WDR91: variants seen among roughly 807,000 people sequenced by gnomAD.
The protein encoded by WDR91 is WD repeat domain 91, also known as WD repeat-containing protein 91.
WDR91 carries 52 observed loss-of-function variants against 88.4 expected under a neutral mutation model. The ratio of observed to expected loss-of-function variants is 0.59; its 90% CI spans 0.47 to 0.74. WDR91 has a LOEUF of 0.74. Ranked by LOEUF, WDR91 falls within the 30% of genes least tolerant of loss-of-function variation. The pLI is 0.00. For synonymous variants in WDR91, 362 were observed against 389.5 expected (o/e 0.93, Z 0.83); for missense variants, 824 against 954.5 (o/e 0.86, Z 1.80).
intron 12 of WDR91, 29 bp from the exon 13 acceptor site, chr7:135,188,574 T>A: frequency 1.3e-6 from 2 of 1,583,208 alleles, no homozygotes; most frequent in Non-Finnish European, 1.7e-6. Flanking sequence ...GCCACTCACA[T>A]CCTGGCCAGG....
In WDR91 at chr7:135,204,270, GACC is replaced by G; in HGVS notation, c.886_888del (p.Gly296del). On this transcript the variant is annotated inframe_deletion, in exon 6 of 15. Coordinates refer to ENST00000354475, the MANE Select transcript of WDR91 (RefSeq NM_014149.4). The stretch of plus-strand genomic sequence containing the variant: ...AGAGAGGCAGGACTTGTGCTTACCT[GACC>G]ACCGAAGGACTCTTTCTTGGCCGAG... The G allele has an allele frequency of 6.2e-7, 1 of 1,613,892 alleles. No homozygotes were observed.
chr7:135,204,472 C>T (rs765919210), intron 5 of WDR91, 39 bp from the exon 6 acceptor site: 3 of 1,605,942 alleles, frequency 1.9e-6, no homozygotes, highest in East Asian at 4.5e-5. Context: ...AGGGCTGAAA[C>T]AGGATGTGGA....
At chr7:135,206,121 A>C in intron 4 of WDR91, 63 bp from the exon 5 acceptor site, 1 of 1,607,662 alleles carries the variant, frequency 6.2e-7, no homozygotes, top group Non-Finnish European at 8.5e-7. Context: ...GCGGAGGAAG[A>C]TTTCTAGACA....
At position 135,208,983 on chromosome 7, in the gene WDR91, T is replaced by C; in HGVS notation, c.319A>G (p.Lys107Glu). 1 of 1,613,778 alleles carries C rather than the reference T, an allele frequency of 6.2e-7. No homozygotes were observed. The highest frequency in any genetic ancestry group is 8.5e-7 in the Non-Finnish European group (1 of 1,179,786). The change falls in exon 3 of 15, where the codon AAG (lysine) becomes GAG (glutamate). Residue 107 changes from lysine (K) to glutamate (E), a missense_variant. Physicochemically the swap from Lys to Glu is moderately conservative, Grantham distance 56. Transcript: ENST00000354475. The stretch of plus-strand genomic sequence containing the variant: ...TGCTTTGCAAAGAACTCCTGAGCCT[T>C]GTCATTTCTGTTTGTCTGCCAAGAC... ...VYTIQTNRND[K>E]AQEFFAKQAT...
Position 135,185,811 on chromosome 7 carries a change from A to C in WDR91, c.*340T>G, listed in dbSNP as rs1830915022. On this transcript the variant is annotated 3_prime_UTR_variant, in exon 15 of 15. Transcript: ENST00000354475. Reference sequence around the variant, plus strand: ...TTCTCTTTTTTTAAAAAAGAAAAAGATAAATGGGCACATATATACAAAATA... The same window carrying C: ...TTCTCTTTTTTTAAAAAAGAAAAAGCTAAATGGGCACATATATACAAAATA... The C allele has an allele frequency of 4.7e-6, 1 of 213,646 alleles. No individual in the cohort carries two copies. The highest frequency in any genetic ancestry group is 2.3e-5 in the African/African-American group (1 of 43,774). The allele number at this position is 213,646 out of a possible 1,614,324, so 13.2% of individuals were successfully genotyped here.
intron 9 of WDR91, 145 bp downstream of exon 9, chr7:135,194,789 A>G (rs1393539003): frequency 8.9e-7 from 1 of 1,123,562 alleles, no homozygotes; most frequent in Non-Finnish European, 1.3e-6. Context: ...CTTCTGGGCC[A>G]GTCCTGGATG....
chr7:135,193,532 C>A, intron 10 of WDR91, 46 bp downstream of exon 10: 1 of 1,612,964 alleles, frequency 6.2e-7, no homozygotes. Context: ...GCGGACCACA[C>A]TTGGCAGCCT....
At position 135,193,670 on chromosome 7, in the gene WDR91, G is replaced by A. The variant is rs1159554345; in HGVS notation, c.1398C>T (p.Leu466=). 1.2e-6 allele frequency: 2 copies of A among 1,613,624 alleles called. No homozygotes were observed. Among genetic ancestry groups the A allele is most frequent in the African/African-American group, 1.3e-5 (1 of 74,906 alleles). The change falls in exon 10 of 15, where the codon CTC becomes CTT. Residue 466 remains leucine, a splice_region_variant and synonymous_variant. Coordinates refer to ENST00000354475, the MANE Select transcript of WDR91 (RefSeq NM_014149.4). ...LEWATKRDRL[L]LLGSGVGTVR... Reference sequence around the variant, plus strand: ...CTGTTCCCACACCACTGCCCAGCAAGAGCTGGAATGACAAGGGGCGGGAGG... The same window carrying A: ...CTGTTCCCACACCACTGCCCAGCAAAAGCTGGAATGACAAGGGGCGGGAGG...
rs1361234507 is a variant in WDR91 at position 135,209,514 on chromosome 7, C to CT, written c.303+61dup. ...TCCTCCCTAGGAACTGGAAGAAAAT[C>CT]TATTTTGGGATCAAAGAGCTCCTTC... is the stretch of plus-strand genomic sequence containing the variant. On this transcript the variant is annotated intron_variant, in intron 2 of 14. Transcript: ENST00000354475. 3 of 1,443,448 alleles carry CT rather than the reference C, an allele frequency of 2.1e-6. No homozygotes were observed. In the East Asian group the frequency reaches 7.4e-5, roughly 36 times the overall value. 89.4% of individuals were successfully genotyped at this position (1,443,448 alleles called of 1,614,324 possible). A position where few individuals can be genotyped will look rare whatever the true frequency, so the allele number is the denominator to read the frequency against.
At chr7:135,202,547 A>G (rs917439923) in intron 6 of WDR91, among the ~76,000 whole-genome samples, 1 of 152,230 alleles carries the variant, frequency 6.6e-6, no homozygotes, top group Non-Finnish European at 1.5e-5. Context: ...TAAACTGCAC[A>G]AATAATTTCC....
intron 11 of WDR91, 44 bp downstream of exon 11, chr7:135,193,187 A>T (rs772699147): frequency 2.5e-6 from 4 of 1,597,352 alleles, no homozygotes; most frequent in Non-Finnish European, 2.6e-6. Flanking sequence ...GGGAATACAG[A>T]GTGTGTGCCT....
intron 13 of WDR91, 30 bp downstream of exon 13, chr7:135,188,403 C>G (rs1318612326): frequency 6.3e-7 from 1 of 1,591,838 alleles, no homozygotes; most frequent in African/African-American, 1.3e-5. Flanking sequence ...CATCCCGGTG[C>G]TCTCTTATCT....
chr7:135,194,809 G>A (rs1831301217), intron 9 of WDR91, 125 bp downstream of exon 9: 2 of 1,325,818 alleles, frequency 1.5e-6, no homozygotes, highest in Admixed American at 2.2e-5. Flanking sequence ...GTGTGTCCCT[G>A]AATCCCCAAT....
chr7:135,186,099 T>TC lies in WDR91; in HGVS notation c.*51dup, dbSNP rs1554397403. Reference sequence around the variant, plus strand: ...CGTGGTTTTCCTGTCCTATATCTCCTCCCCCCACCGCAGATAATACTGCTT... The same window carrying TC: ...CGTGGTTTTCCTGTCCTATATCTCCTCCCCCCCACCGCAGATAATACTGCTT... On this transcript the variant is annotated 3_prime_UTR_variant, in exon 15 of 15. Coordinates refer to ENST00000354475, the MANE Select transcript of WDR91 (RefSeq NM_014149.4). The TC allele has an allele frequency of 1.3e-6, 2 of 1,531,600 alleles. No homozygotes were observed. Among genetic ancestry groups the TC allele is most frequent in the Non-Finnish European group, 8.7e-7 (1 of 1,143,244 alleles). 94.9% of individuals were successfully genotyped at this position (1,531,600 alleles called of 1,614,324 possible). A position where few individuals can be genotyped will look rare whatever the true frequency, so the allele number is the denominator to read the frequency against.
chr7:135,191,661 C>A (rs538324786), intron 11 of WDR91, among the ~76,000 whole-genome samples: 8 of 147,950 alleles, frequency 5.4e-5, no homozygotes, highest in African/African-American at 2.0e-4. Flanking sequence ...AAGACAGGTT[C>A]TCTCTGGAAG....
At chr7:135,206,764 T>G (rs965978657) in intron 4 of WDR91, among the ~76,000 whole-genome samples, 13 of 151,494 alleles carry the variant, frequency 8.6e-5, no homozygotes, top group Admixed American at 2.6e-4. Context: ...CATATATATG[T>G]GTATATATAT....
rs932906989 is a variant in WDR91 at position 135,204,312 on chromosome 7, G to A, written c.847C>T (p.Pro283Ser). The change falls in exon 6 of 15, where the codon CCT becomes TCT. Residue 283 changes from proline to serine, a missense_variant. Pro to Ser is a moderately conservative substitution (Grantham distance 74). Coordinates refer to ENST00000354475, the MANE Select transcript of WDR91 (RefSeq NM_014149.4). ...TTCTTGGCCGAGCTCTGAGGTTGAG[G>A]AGGGCCCTGAGCAGGCGACAACCTT... is the stretch of plus-strand genomic sequence containing the variant. The part of the protein sequence containing the change: ...PSRLSPAQGP[P>S]QPQSSAKKES... 2.5e-6 allele frequency: 4 copies of A among 1,614,060 alleles called. No homozygotes were observed. Among genetic ancestry groups the A allele is most frequent in the Non-Finnish European group, 3.4e-6 (4 of 1,180,036 alleles).
chr7:135,207,380 C>T (rs759374053), intron 3 of WDR91, 178 bp from the exon 4 acceptor site: 1 of 618,182 alleles, frequency 1.6e-6, no homozygotes, highest in Non-Finnish European at 3.1e-6. Flanking sequence ...GTCTCTAAGA[C>T]TTTCTCTAGG....
At chr7:135,209,788 G>A in intron 1 of WDR91, 33 bp from the exon 2 acceptor site, 14 of 1,488,908 alleles carry the variant, frequency 9.4e-6, no homozygotes, top group African/African-American at 1.4e-5. Flanking sequence ...AAGGTGGTAA[G>A]GGACAGAAGG....
Sources: allele counts gnomAD v4.1 joint callset (sites outside exome capture counted in the v4.1 genomes callset), GRCh38; gene constraint gnomAD v4.1.1; transcripts MANE v1.5; gene names NCBI Gene and HGNC (gene_info 2026-07-23, HGNC 2026-07-21).